The following CMSS1 variants were observed in gnomAD, a reference collection of about 807,000 sequenced individuals.
The protein encoded by CMSS1 is protein CMSS1.
In CMSS1, 33 loss-of-function variants were observed where a neutral mutation model predicts 43.5. That is an observed-to-expected ratio of 0.76 (90% CI 0.57 to 1.01). CMSS1 has a LOEUF of 1.01. Among genes scored for constraint, CMSS1 ranks in the 50% least tolerant of loss-of-function variants. The probability of loss-of-function intolerance (pLI) is 0.00; values close to 1 mark genes in which losing one functional copy is unlikely to be tolerated. For synonymous variants in CMSS1, 115 were observed against 117.2 expected (o/e 0.98, Z 0.12); for missense variants, 313 against 326.4 (o/e 0.96, Z 0.32).
At chr3:100,063,357 G>A (rs150246994) in intron 1 of CMSS1, among the ~76,000 whole-genome samples, 1,865 of 151,958 alleles carry the variant, frequency 0.012, 32 homozygotes, top group African/African-American at 0.042. Context: ...CCATTAAAGG[G>A]TCTGAATGAC....
At chr3:99,914,716 A>T (rs2107643205) in intron 1 of CMSS1, among the ~76,000 whole-genome samples, 2 of 152,360 alleles carry the variant, frequency 1.3e-5, no homozygotes, top group East Asian at 3.9e-4. Context: ...CACATATAAG[A>T]ATTCTAAAAC....
intron 1 of CMSS1, among the ~76,000 whole-genome samples, chr3:99,906,522 AT>A (rs1420294683): frequency 1.3e-5 from 2 of 152,164 alleles, no homozygotes; most frequent in Non-Finnish European, 2.9e-5. Flanking sequence ...TAACTTATTT[AT>A]TTCAATAAAG....
At chr3:99,959,615 A>G (rs964563906) in intron 1 of CMSS1, among the ~76,000 whole-genome samples, 1 of 152,188 alleles carries the variant, frequency 6.6e-6, no homozygotes, top group Admixed American at 6.5e-5. Flanking sequence ...GATAAATTGA[A>G]TTTAGTAATC....
At chr3:99,931,208 G>T (rs1274354653) in intron 1 of CMSS1, among the ~76,000 whole-genome samples, 1 of 152,016 alleles carries the variant, frequency 6.6e-6, no homozygotes, top group Non-Finnish European at 1.5e-5. Context: ...AGTCTTATTT[G>T]CACTTCTGCT....
At chr3:100,103,880 T>C (rs1006375195) in intron 1 of CMSS1, among the ~76,000 whole-genome samples, 1 of 152,230 alleles carries the variant, frequency 6.6e-6, no homozygotes, top group African/African-American at 2.4e-5. Context: ...GAACAGCTGA[T>C]ATTTATGTAA....
intron 1 of CMSS1, among the ~76,000 whole-genome samples, chr3:100,109,313 T>C (rs2066448557): frequency 6.6e-6 from 1 of 152,142 alleles, no homozygotes; most frequent in East Asian, 1.9e-4. Context: ...TCTCTCAATA[T>C]AGAGCCACAC....
intron 2 of CMSS1, among the ~76,000 whole-genome samples, chr3:100,153,848 CT>C (rs1042636868): frequency 4.1e-4 from 60 of 145,836 alleles, no homozygotes; most frequent in African/African-American, 1.1e-3. Flanking sequence ...CTTTTTTTTT[CT>C]TTTTTTTTTC....
chr3:100,174,190 T>TGA (rs1304805452), intron 8 of CMSS1, among the ~76,000 whole-genome samples: 3 of 152,148 alleles, frequency 2.0e-5, no homozygotes, highest in Non-Finnish European at 4.4e-5. Context: ...AAGGAACAGA[T>TGA]GAGAGGCACC....
At chr3:100,011,036 A>G (rs948574541) in intron 1 of CMSS1, among the ~76,000 whole-genome samples, 2 of 152,146 alleles carry the variant, frequency 1.3e-5, no homozygotes, top group African/African-American at 4.8e-5. Context: ...GTACAAACCC[A>G]GGATTCTGTG....
chr3:99,839,672 A>G lies in CMSS1; in HGVS notation c.64+21629A>G, dbSNP rs1187447589. ...GAAAATTCTAGTTTAGAATTCAGGT[A>G]TCTTTGAAAGAGACAGAAGTATAAA... On this transcript the variant is annotated intron_variant, in intron 1 of 9. Transcript: ENST00000421999. Among the ~76,000 whole-genome samples the G allele has an allele frequency of 2.0e-5, 3 of 152,246 alleles. No individual in the cohort carries two copies. In the East Asian group the frequency reaches 5.8e-4, roughly 29 times the overall value.
At chr3:100,013,221 T>TGTTGTTGTTGTTGTTGTTGTTGTG (rs1710216939) in intron 1 of CMSS1, among the ~76,000 whole-genome samples, 1 of 146,618 alleles carries the variant, frequency 6.8e-6, no homozygotes. Flanking sequence ...GAGGTGTTGT[T>TGTTGTTGTTGTTGTTGTTGTTGTG]GTTGTTGTTG....
intron 1 of CMSS1, among the ~76,000 whole-genome samples, chr3:99,987,963 A>G (rs1709394757): frequency 6.6e-6 from 1 of 152,198 alleles, no homozygotes; most frequent in African/African-American, 2.4e-5. Context: ...CTTCCAGGCC[A>G]TCATTCTGTT....
intron 1 of CMSS1, among the ~76,000 whole-genome samples, chr3:100,099,842 G>A (rs1201262515): frequency 6.6e-6 from 1 of 152,172 alleles, no homozygotes; most frequent in Non-Finnish European, 1.5e-5. Context: ...TCATAAGTAT[G>A]CAGCGGTAGA....
chr3:100,052,297 T>C (rs1020280437), intron 1 of CMSS1, among the ~76,000 whole-genome samples: 3 of 152,222 alleles, frequency 2.0e-5, no homozygotes, highest in African/African-American at 7.2e-5. Flanking sequence ...AATAAAAAAC[T>C]AATGCAGAGC....
chr3:99,861,378 G>C (rs188380327), intron 1 of CMSS1, among the ~76,000 whole-genome samples: 1 of 152,310 alleles, frequency 6.6e-6, no homozygotes, highest in African/African-American at 2.4e-5. Flanking sequence ...AGCATGTGAT[G>C]CCTTGTATTA....
chr3:100,147,958 G>A (rs552873818), intron 2 of CMSS1, among the ~76,000 whole-genome samples: 1 of 152,012 alleles, frequency 6.6e-6, no homozygotes, highest in Non-Finnish European at 1.5e-5. Flanking sequence ...TTTTCTCATT[G>A]GGTTTCCATC....
At chr3:99,934,725 C>A (rs1461133376) in intron 1 of CMSS1, among the ~76,000 whole-genome samples, 1 of 152,222 alleles carries the variant, frequency 6.6e-6, no homozygotes, top group Non-Finnish European at 1.5e-5. Context: ...CTAGCTTCCT[C>A]ACCTCACTCT....
At chr3:100,102,239 A>C (rs927636824) in intron 1 of CMSS1, among the ~76,000 whole-genome samples, 2 of 152,342 alleles carry the variant, frequency 1.3e-5, no homozygotes, top group East Asian at 3.9e-4. Context: ...TCCCATCAAC[A>C]GTGTAAAAGT....
At chr3:100,024,089 A>T (rs1030651961) in intron 1 of CMSS1, among the ~76,000 whole-genome samples, 12 of 152,032 alleles carry the variant, frequency 7.9e-5, no homozygotes, top group African/African-American at 2.9e-4. Flanking sequence ...CACAACTCTA[A>T]CTACATCTTC....
Sources: allele counts gnomAD v4.1 joint callset (sites outside exome capture counted in the v4.1 genomes callset), GRCh38; gene constraint gnomAD v4.1.1; transcripts MANE v1.5; gene names NCBI Gene and HGNC (gene_info 2026-07-23, HGNC 2026-07-21).